TASOR2: variants seen among roughly 807,000 people sequenced by gnomAD.
TASOR2 encodes protein TASOR 2.
A neutral mutation model predicts 199.5 loss-of-function variants in TASOR2; 84 were observed. The ratio of observed to expected loss-of-function variants is 0.42; its 90% CI spans 0.35 to 0.50. The LOEUF is 0.50. TASOR2 is among the 20% of genes least tolerant of loss of function. TASOR2 has a pLI of 0.02. For missense variants in TASOR2, 2,796 were observed against 2,835.9 expected (o/e 0.99, Z 0.32); for synonymous variants, 1,103 against 1,046.6 (o/e 1.05, Z -1.04).
At chr10:5,733,091 A>G (rs1304303161) in intron 11 of TASOR2, among the ~76,000 whole-genome samples, 2 of 152,148 alleles carry the variant, frequency 1.3e-5, no homozygotes, top group Non-Finnish European at 2.9e-5. Flanking sequence ...TTTTAATTAT[A>G]TCCACTGTAA....
In TASOR2 at chr10:5,750,830, TA is replaced by T. The variant is rs1436624912; in HGVS notation, c.6606+804del. Among the ~76,000 whole-genome samples, 1 of 152,198 alleles carries T rather than the reference TA, an allele frequency of 6.6e-6. No individual in the cohort carries two copies. Among genetic ancestry groups the T allele is most frequent in the Admixed American group, 6.5e-5 (1 of 15,286 alleles). On this transcript the variant is annotated intron_variant, in intron 15 of 20. Coordinates refer to ENST00000328090, the Ensembl canonical transcript of TASOR2. The surrounding 1 kb of genome is among the most constrained non-coding windows in gnomAD (Gnocchi z 5.4). ...ACAACCCTGTGCATCAGGAAGTTCA[TA>T]TAATATTAATTAAAGTGACCATCTC...
chr10:5,739,415 A>G (rs1194410018), intron 12 of TASOR2, among the ~76,000 whole-genome samples: 1 of 152,246 alleles, frequency 6.6e-6, no homozygotes, highest in Non-Finnish European at 1.5e-5. Flanking sequence ...TTAATCCAAT[A>G]GAAAATTTTA....
At position 5,720,122 on chromosome 10, in the gene TASOR2, TAAG is replaced by T; in HGVS notation, c.-99-418_-99-416del. 3.0e-6 allele frequency: 1 copy of T among 333,010 alleles called. No homozygotes were observed. 20.6% of individuals were successfully genotyped at this position (333,010 alleles called of 1,614,324 possible). ...TTTGGCCTTAAGATAATTGTTTTTC[TAAG>T]AAGTATAGTTCTTAATACAGTTACT... On this transcript the variant is annotated intron_variant, in intron 3 of 20. Transcript: ENST00000328090. This position sits in a 1 kb window ranked among gnomAD's most constrained non-coding sequence, Gnocchi z 5.3.
Position 5,701,687 on chromosome 10 carries a change from A to G in TASOR2, c.-287-11136A>G, listed in dbSNP as rs1374318179. On this transcript the variant is annotated intron_variant, in intron 1 of 20. Transcript: ENST00000328090. This position sits in a 1 kb window ranked among gnomAD's most constrained non-coding sequence, Gnocchi z 4.9. ...ATAGATCTTTCACTTCTTTGGCTAAATTGATTCCTAGGTATGTTATATTCT... is the reference window on the plus strand; with the variant it reads ...ATAGATCTTTCACTTCTTTGGCTAAGTTGATTCCTAGGTATGTTATATTCT... Among the ~76,000 whole-genome samples, 1 of 152,068 alleles carries G rather than the reference A, an allele frequency of 6.6e-6. No individual in the cohort carries two copies. The highest frequency in any genetic ancestry group is 1.5e-5 in the Non-Finnish European group (1 of 67,956).
intron 18 of TASOR2, among the ~76,000 whole-genome samples, chr10:5,760,110 C>G (rs1197407515): frequency 6.6e-6 from 1 of 152,158 alleles, no homozygotes; most frequent in South Asian, 2.1e-4. Flanking sequence ...ATAGAGTGTA[C>G]TTACACAAAC....
Position 5,740,450 on chromosome 10 carries a change from A to G in TASOR2, c.2280A>G (p.Lys760=), listed in dbSNP as rs1250115618. Residue 760 remains lysine (K), a synonymous_variant, in exon 13 of 21, where the codon AAA becomes AAG. Coordinates refer to ENST00000328090, the Ensembl canonical transcript of TASOR2. The surrounding 1 kb of genome is among the most constrained non-coding windows in gnomAD (Gnocchi z 5.3). Reference sequence around the variant, plus strand: ...AATATGCATTCAGTTTAGACAGCAAATATACCAACAACCCACTGGAGAAAA... The same window carrying G: ...AATATGCATTCAGTTTAGACAGCAAGTATACCAACAACCCACTGGAGAAAA... The G allele has an allele frequency of 6.2e-7, 1 of 1,613,906 alleles. No homozygotes were observed. The highest frequency in any genetic ancestry group is 1.1e-5 in the South Asian group (1 of 91,084).
intron 2 of TASOR2, among the ~76,000 whole-genome samples, chr10:5,716,201 C>T (rs1381898315): frequency 6.6e-6 from 1 of 152,118 alleles, no homozygotes; most frequent in Non-Finnish European, 1.5e-5. Flanking sequence ...TGTTGTTGAC[C>T]AAAATGTTAT....
Position 5,687,713 on chromosome 10 carries a change from G to A in TASOR2, c.-288+2538G>A, listed in dbSNP as rs991857684. On this transcript the variant is annotated intron_variant, in intron 1 of 20. Coordinates refer to ENST00000328090, the Ensembl canonical transcript of TASOR2. The surrounding 1 kb of genome is among the most constrained non-coding windows in gnomAD (Gnocchi z 4.8). ...CAGGTGCAGGTAGTCCCAGCTACTC[G>A]GGAGGCCGAGACAAGAGAATCACTT... 3.3e-5 allele frequency among the ~76,000 whole-genome samples: 5 copies of A among 152,338 alleles called. No individual in the cohort carries two copies. The highest frequency in any genetic ancestry group is 1.9e-4 in the East Asian group (1 of 5,182).
At chr10:5,731,190 G>A (rs1288999151) in exon 11 of TASOR2, 1 of 1,597,514 alleles carries the variant, frequency 6.3e-7, no homozygotes, top group Non-Finnish European at 8.5e-7. Context: ...AGTTTCCTCA[G>A]AAAAGAAAAA....
chr10:5,725,280 A>G (rs1354946454), intron 8 of TASOR2, among the ~76,000 whole-genome samples: 3 of 151,442 alleles, frequency 2.0e-5, no homozygotes, highest in Non-Finnish European at 4.4e-5. Context: ...AGTCCCAGCT[A>G]CTTGGGAGGC....
In TASOR2 at chr10:5,720,776, TAAG is replaced by T. The variant is rs750433668; in HGVS notation, c.46+5_46+7del. 4.3e-5 allele frequency: 70 copies of T among 1,611,940 alleles called. No individual in the cohort carries two copies. In the African/African-American group the frequency reaches 7.6e-4, roughly 18 times the overall value. ...CTAGACTTGAACGCAGTGAAAATGG[TAAG>T]AAATAGTTCATTGATTCTTTTAGGT... is the stretch of plus-strand genomic sequence containing the variant. On this transcript the variant is annotated splice_donor_5th_base_variant and intron_variant, in intron 5 of 20. Transcript: ENST00000328090. The surrounding 1 kb of genome is among the most constrained non-coding windows in gnomAD (Gnocchi z 5.3).
At chr10:5,697,117 A>G (rs550459442) in intron 1 of TASOR2, among the ~76,000 whole-genome samples, 21 of 152,342 alleles carry the variant, frequency 1.4e-4, no homozygotes, top group African/African-American at 5.1e-4. Flanking sequence ...AAGCGCCCTG[A>G]TCAATAAAAC....
rs1833539729 is a variant in TASOR2, at chr10:5,722,778, T to C, written c.147-899T>C. Among the ~76,000 whole-genome samples the C allele has an allele frequency of 6.6e-6, 1 of 151,938 alleles. No individual in the cohort carries two copies. Among genetic ancestry groups the C allele is most frequent in the Non-Finnish European group, 1.5e-5 (1 of 67,990 alleles). On this transcript the variant is annotated intron_variant, in intron 6 of 20. Coordinates refer to ENST00000328090, the Ensembl canonical transcript of TASOR2. This position sits in a 1 kb window ranked among gnomAD's most constrained non-coding sequence, Gnocchi z 4.0. ...GTCCCAGCACTTTGGGAGGCCGAGG[T>C]GAGCAGATTGCCTGAGGTCAGGAGT...
At chr10:5,721,156 T>C (rs2131573242) in intron 6 of TASOR2, among the ~76,000 whole-genome samples, 186 bp downstream of exon 7, 1 of 152,300 alleles carries the variant, frequency 6.6e-6, no homozygotes, top group South Asian at 2.1e-4. Flanking sequence ...AATTCTAATT[T>C]ATTAATGGGA....
At chr10:5,733,717 C>A (rs1835167570) in intron 11 of TASOR2, among the ~76,000 whole-genome samples, 1 of 152,072 alleles carries the variant, frequency 6.6e-6, no homozygotes, top group Non-Finnish European at 1.5e-5. Context: ...TAGAAAGTTT[C>A]CCCCTGGGTC....
At chr10:5,736,304 G>A (rs1246150725) in intron 12 of TASOR2, among the ~76,000 whole-genome samples, 1 of 152,068 alleles carries the variant, frequency 6.6e-6, no homozygotes, top group African/African-American at 2.4e-5. Flanking sequence ...TGTAATCCCA[G>A]CTACTCGGGA....
At chr10:5,733,334 C>T (rs1835110090) in intron 11 of TASOR2, among the ~76,000 whole-genome samples, 1 of 151,952 alleles carries the variant, frequency 6.6e-6, no homozygotes, top group Admixed American at 6.6e-5. Flanking sequence ...ATGGTGAAAC[C>T]CCGTCTCTAC....
intron 8 of TASOR2, among the ~76,000 whole-genome samples, chr10:5,725,102 C>T (rs1833878562): frequency 6.6e-6 from 1 of 152,048 alleles, no homozygotes; most frequent in African/African-American, 2.4e-5. Flanking sequence ...ATACACTGGA[C>T]AAAGGGATGA....
chr10:5,748,304 G>A lies in TASOR2; in HGVS notation c.4883G>A (p.Gly1628Asp). The change falls in exon 15 of 21, where the codon GGC becomes GAC. Residue 1628 changes from glycine to aspartate, a missense_variant. Around this residue, in one of 3 missense-constraint regions of TASOR2, gnomAD observed 1,941 missense variants for 1,924.9 expected, o/e 1.01. Coordinates refer to ENST00000328090, the Ensembl canonical transcript of TASOR2. This position sits in a 1 kb window ranked among gnomAD's most constrained non-coding sequence, Gnocchi z 5.1. ...CCCGGTGATTTGAAAACAGATGAAGGCATTTATCTGCAGGTGAAGTCCTTG... is the reference window on the plus strand; with the variant it reads ...CCCGGTGATTTGAAAACAGATGAAGACATTTATCTGCAGGTGAAGTCCTTG... 1 of 1,614,180 alleles carries A rather than the reference G, an allele frequency of 6.2e-7. No individual in the cohort carries two copies. Among genetic ancestry groups the A allele is most frequent in the South Asian group, 1.1e-5 (1 of 91,090 alleles).
Sources: gnomAD v4.1 joint callset for allele counts (sites outside exome capture counted in the v4.1 genomes callset) on GRCh38, gnomAD v4.1.1 for gene constraint, gnomAD v4.1.1 regional missense constraint, Gnocchi (gnomAD v3.1) non-coding constraint, MANE v1.5 for transcripts, NCBI Gene and HGNC (gene_info 2026-07-23, HGNC 2026-07-21) for gene names.